OR10J1: variants seen among roughly 807,000 people sequenced by gnomAD.
OR10J1 encodes the protein olfactory receptor family 10 subfamily J member 1.
For synonymous variants in OR10J1, 202 were observed against 143.8 expected (o/e 1.40, Z -2.89); for missense variants, 474 against 376.6 (o/e 1.26, Z -2.14).
the OR10J1 span, among the ~76,000 whole-genome samples, chr1:159,411,039 T>C: frequency 6.6e-6 from 1 of 152,168 alleles, no homozygotes; most frequent in South Asian, 2.1e-4. Flanking sequence ...TGAGTTCTAG[T>C]TTGATTGCAC....
chr1:159,397,543 C>G, the OR10J1 span, among the ~76,000 whole-genome samples: 1 of 152,014 alleles, frequency 6.6e-6, no homozygotes, highest in African/African-American at 2.4e-5. Flanking sequence ...GAGTCCCAGG[C>G]TAGACAACAT....
At chr1:159,404,849 G>A in the OR10J1 span, among the ~76,000 whole-genome samples, 2 of 152,098 alleles carry the variant, frequency 1.3e-5, no homozygotes, top group Non-Finnish European at 2.9e-5. Flanking sequence ...TTGTTTCCCA[G>A]CCTACTCTAT....
upstream of OR10J1, among the ~76,000 whole-genome samples, chr1:159,434,930 A>G (rs988079987): frequency 6.6e-6 from 1 of 152,042 alleles, no homozygotes; most frequent in African/African-American, 2.4e-5. Context: ...TAGGATTCTC[A>G]TTTGTTCTTT....
chr1:159,402,313 C>T, the OR10J1 span, among the ~76,000 whole-genome samples: 3 of 151,916 alleles, frequency 2.0e-5, no homozygotes, highest in Non-Finnish European at 2.9e-5. Context: ...AGGAAAAAGC[C>T]AAAGTATCCC....
At chr1:159,415,936 A>G in the OR10J1 span, among the ~76,000 whole-genome samples, 1 of 150,920 alleles carries the variant, frequency 6.6e-6, no homozygotes, top group Non-Finnish European at 1.5e-5. Flanking sequence ...TTTTTCAGTT[A>G]TTGTAAATGG....
chr1:159,437,955 G>A (rs1262024053), upstream of OR10J1: 1 of 152,384 alleles, frequency 6.6e-6, no homozygotes, highest in African/African-American at 2.4e-5. Flanking sequence ...CCTATCCATT[G>A]TGGCCAAGGG....
the OR10J1 span, among the ~76,000 whole-genome samples, chr1:159,415,324 G>A: frequency 1.3e-5 from 2 of 151,982 alleles, no homozygotes; most frequent in Non-Finnish European, 2.9e-5. Flanking sequence ...TATTGAAGAA[G>A]GTATCCTTTT....
the OR10J1 span, among the ~76,000 whole-genome samples, chr1:159,416,315 G>A: frequency 3.9e-5 from 6 of 151,942 alleles, no homozygotes; most frequent in African/African-American, 7.2e-5. Context: ...TTAGCTGTGG[G>A]TTTGTCATAA....
chr1:159,404,984 C>T, the OR10J1 span, among the ~76,000 whole-genome samples: 1 of 151,990 alleles, frequency 6.6e-6, no homozygotes, highest in African/African-American at 2.4e-5. Context: ...TTTTATACCC[C>T]ATGATAATGG....
the OR10J1 span, among the ~76,000 whole-genome samples, chr1:159,426,494 T>C: frequency 6.6e-6 from 1 of 151,908 alleles, no homozygotes; most frequent in Admixed American, 6.6e-5. Flanking sequence ...TTTATGAATG[T>C]ATAAGGCCCT....
At chr1:159,421,935 C>A in the OR10J1 span, among the ~76,000 whole-genome samples, 1 of 152,016 alleles carries the variant, frequency 6.6e-6, no homozygotes, top group African/African-American at 2.4e-5. Flanking sequence ...AGCACCTGGG[C>A]GTCAGGCGTG....
At chr1:159,419,853 T>C in the OR10J1 span, among the ~76,000 whole-genome samples, 2 of 152,186 alleles carry the variant, frequency 1.3e-5, no homozygotes, top group South Asian at 4.1e-4. Flanking sequence ...TTTGGTTAAA[T>C]ATGCAACTTA....
the OR10J1 span, chr1:159,405,940 C>T: frequency 2.0e-6 from 1 of 494,488 alleles, no homozygotes; most frequent in Non-Finnish European, 3.8e-6. Flanking sequence ...TGACCCAGAT[C>T]CCAGCCAGAC....
At chr1:159,404,937 A>G in the OR10J1 span, among the ~76,000 whole-genome samples, 67 of 152,266 alleles carry the variant, frequency 4.4e-4, no homozygotes, top group Admixed American at 3.9e-3. Context: ...AAACATATAG[A>G]ACTTTGTTTT....
At chr1:159,419,860 CT>C in the OR10J1 span, among the ~76,000 whole-genome samples, 3 of 152,120 alleles carry the variant, frequency 2.0e-5, no homozygotes, top group Admixed American at 1.3e-4. Flanking sequence ...AAATATGCAA[CT>C]TAAATTCATT....
chr1:159,427,946 A>G, the OR10J1 span, among the ~76,000 whole-genome samples: 1 of 152,160 alleles, frequency 6.6e-6, no homozygotes, highest in African/African-American at 2.4e-5. Context: ...AATAAAAAGC[A>G]TATGATTATG....
chr1:159,424,835 C>T, the OR10J1 span, among the ~76,000 whole-genome samples: 2 of 151,948 alleles, frequency 1.3e-5, no homozygotes, highest in Admixed American at 1.3e-4. Context: ...TTTCAAAATA[C>T]TTGAAAAATA....
Position 159,440,592 on chromosome 1 carries a change from A to G in OR10J1, c.801A>G (p.Arg267=). Residue 267 remains arginine (R), a synonymous_variant, in exon 1 of 1, where the codon AGA becomes AGG. Transcript: ENST00000423932. ...TCAAGCCCAAGTCAGAGAACACCAG[A>G]GAACATGACCAGCTGATCTCGGTGA... ...AYLKPKSENT[R]EHDQLISVTY... is the part of the protein sequence containing the mutation. 5 of 1,613,696 alleles carry G rather than the reference A, an allele frequency of 3.1e-6. No homozygotes were observed. The highest frequency in any genetic ancestry group is 3.4e-6 in the Non-Finnish European group (4 of 1,179,898).
the OR10J1 span, among the ~76,000 whole-genome samples, chr1:159,413,253 A>T: frequency 6.6e-6 from 1 of 152,174 alleles, no homozygotes; most frequent in Non-Finnish European, 1.5e-5. Flanking sequence ...ACTGTAAACT[A>T]GTTCAACCAT....
Sources: allele counts gnomAD v4.1 joint callset (sites outside exome capture counted in the v4.1 genomes callset), GRCh38; gene constraint gnomAD v4.1.1; transcripts MANE v1.5; gene names NCBI Gene and HGNC (gene_info 2026-07-23, HGNC 2026-07-21).